Variants in MFSD2A observed in about 807,000 individuals in gnomAD.
MFSD2A encodes the protein MFSD2 lysolipid transporter A, lysophospholipid.
In MFSD2A, 27 loss-of-function variants were observed where a neutral mutation model predicts 64.7. The ratio of observed to expected loss-of-function variants is 0.42; its 90% confidence interval spans 0.31 to 0.58. The LOEUF (loss-of-function observed/expected upper bound fraction) is 0.58. MFSD2A is among the 20% of genes least tolerant of loss of function. The pLI is 0.18. For missense variants in MFSD2A, 474 were observed against 679.5 expected (o/e 0.70, Z 3.36); for synonymous variants, 258 against 273.4 (o/e 0.94, Z 0.55).
chr1:39,958,864 G>T lies in MFSD2A; in HGVS notation c.353+39G>T. 1 of 1,547,856 alleles carries T rather than the reference G, an allele frequency of 6.5e-7. No individual in the cohort carries two copies. The highest frequency in any genetic ancestry group is 8.7e-7 in the Non-Finnish European group (1 of 1,146,304). ...GCCCCTTCGAGGTGGCACAAGGCAG[G>T]ACTTCCAGCATATCTGCTCCTTGGT... On this transcript the variant is annotated intron_variant, in intron 3 of 13. Coordinates refer to ENST00000372811, the MANE Select transcript of MFSD2A (RefSeq NM_032793.5). The surrounding 1 kb of genome is among the most constrained non-coding windows in gnomAD (Gnocchi z 4.7).
intron 6 of MFSD2A, among the ~76,000 whole-genome samples, chr1:39,966,337 C>T (rs1645160407): frequency 6.6e-6 from 1 of 152,034 alleles, no homozygotes; most frequent in Non-Finnish European, 1.5e-5. Flanking sequence ...GCCAAGTTGC[C>T]CAGGCTGGTT....
In MFSD2A at chr1:39,968,090, C is replaced by T; in HGVS notation, c.1208+174C>T. 2 of 643,420 alleles carry T rather than the reference C, an allele frequency of 3.1e-6. No homozygotes were observed. Among genetic ancestry groups the T allele is most frequent in the South Asian group, 2.0e-5 (1 of 50,590 alleles). The allele number at this position is 643,420 out of a possible 1,614,324, so 39.9% of individuals were successfully genotyped here. A position where few individuals can be genotyped will look rare whatever the true frequency, so the allele number is the denominator to read the frequency against. On this transcript the variant is annotated intron_variant, in intron 11 of 13. Transcript: ENST00000372811. This position sits in a 1 kb window ranked among gnomAD's most constrained non-coding sequence, Gnocchi z 4.4. ...GTACAGGTAGTGAGCTTTGCAAGAA[C>T]ACCTAGTCAGAGTGAAAAATGGGGG...
chr1:39,968,674 G>A lies in MFSD2A; in HGVS notation c.1458G>A (p.Leu486=). The A allele has an allele frequency of 1.2e-6, 2 of 1,614,166 alleles. No individual in the cohort carries two copies. Among genetic ancestry groups the A allele is most frequent in the Non-Finnish European group, 1.7e-6 (2 of 1,180,026 alleles). The stretch of plus-strand genomic sequence containing the variant: ...CCATAGTTCTCATCCTGCTGGGCCT[G>A]CTGCTCTTCAAAATGTACCCCATTG... The part of the protein sequence containing the change: ...MAPIVLILLG[L]LLFKMYPIDE... The change falls in exon 13 of 14, where the codon CTG becomes CTA. Residue 486 remains leucine (L), a synonymous_variant. Transcript: ENST00000372811. This position sits in a 1 kb window ranked among gnomAD's most constrained non-coding sequence, Gnocchi z 4.4.
Position 39,958,849 on chromosome 1 carries a change from G to C in MFSD2A, c.353+24G>C. The C allele has an allele frequency of 6.4e-7, 1 of 1,566,532 alleles. No individual in the cohort carries two copies. The highest frequency in any genetic ancestry group is 8.7e-7 in the Non-Finnish European group (1 of 1,155,582). ...TGGTGAGTAGAATATGCCCCTTCGA[G>C]GTGGCACAAGGCAGGACTTCCAGCA... On this transcript the variant is annotated intron_variant, in intron 3 of 13. Transcript: ENST00000372811. The surrounding 1 kb of genome is among the most constrained non-coding windows in gnomAD (Gnocchi z 4.7).
rs894720620 is a variant in MFSD2A, at chr1:39,963,265, C to G, written c.354-1946C>G. The G allele has an allele frequency of 6.9e-7, 1 of 1,440,392 alleles. No homozygotes were observed. The highest frequency in any genetic ancestry group is 1.4e-5 in the African/African-American group (1 of 71,706). The allele number at this position is 1,440,392 out of a possible 1,614,324, so 89.2% of individuals were successfully genotyped here. ...ACCCTGGGCAGCTTTGCCAAGGGCACCTTTGATGCCATCTCTAAGACCTAC... is the reference window on the plus strand; with the variant it reads ...ACCCTGGGCAGCTTTGCCAAGGGCAGCTTTGATGCCATCTCTAAGACCTAC... On this transcript the variant is annotated intron_variant, in intron 3 of 13. Coordinates refer to ENST00000372811, the MANE Select transcript of MFSD2A (RefSeq NM_032793.5). This position sits in a 1 kb window ranked among gnomAD's most constrained non-coding sequence, Gnocchi z 4.2.
Position 39,958,913 on chromosome 1 carries a change from C to T in MFSD2A, c.353+88C>T, listed in dbSNP as rs1405611752. On this transcript the variant is annotated intron_variant, in intron 3 of 13. Coordinates refer to ENST00000372811, the MANE Select transcript of MFSD2A (RefSeq NM_032793.5). This position sits in a 1 kb window ranked among gnomAD's most constrained non-coding sequence, Gnocchi z 4.7. ...GTCCTTCTCTCTGTCTTGTCACAGG[C>T]AGAAGGGTGAGGAGAAGGAAGGAGT... 5 of 1,441,208 alleles carry T rather than the reference C, an allele frequency of 3.5e-6. No homozygotes were observed. The Admixed American group carries it at 9.0e-5, about 26-fold the overall frequency. The allele number at this position is 1,441,208 out of a possible 1,614,324, so 89.3% of individuals were successfully genotyped here. A position where few individuals can be genotyped will look rare whatever the true frequency, so the allele number is the denominator to read the frequency against.
rs1644981289 is a variant in MFSD2A at position 39,958,989 on chromosome 1, C to T, written c.353+164C>T. The stretch of plus-strand genomic sequence containing the variant: ...CATCCGAGGCATCAGCTACCCTGAG[C>T]ACGGGCACTGGCATGCTCAGCCAGT... On this transcript the variant is annotated intron_variant, in intron 3 of 13. Transcript: ENST00000372811. This position sits in a 1 kb window ranked among gnomAD's most constrained non-coding sequence, Gnocchi z 4.7. Among the ~76,000 whole-genome samples the T allele has an allele frequency of 6.6e-6, 1 of 152,168 alleles. No individual in the cohort carries two copies. Among genetic ancestry groups the T allele is most frequent in the Non-Finnish European group, 1.5e-5 (1 of 68,032 alleles).
rs915988124 is a variant in MFSD2A at position 39,968,834 on chromosome 1, C to T, written c.1529+89C>T. 29 of 1,383,262 alleles carry T rather than the reference C, an allele frequency of 2.1e-5. No individual in the cohort carries two copies. Among genetic ancestry groups the T allele is most frequent in the Non-Finnish European group, 2.9e-5 (29 of 1,001,136 alleles). The allele number at this position is 1,383,262 out of a possible 1,614,324, so 85.7% of individuals were successfully genotyped here. A position where few individuals can be genotyped will look rare whatever the true frequency, so the allele number is the denominator to read the frequency against. On this transcript the variant is annotated intron_variant, in intron 13 of 13. Coordinates refer to ENST00000372811, the MANE Select transcript of MFSD2A (RefSeq NM_032793.5). The surrounding 1 kb of genome is among the most constrained non-coding windows in gnomAD (Gnocchi z 4.4). ...TGTCTCCTGTGGCCAAGTCCAGACT[C>T]ACCCCCCACACATCTTCTCTGGACA...
chr1:39,965,896 C>T lies in MFSD2A; in HGVS notation c.596C>T (p.Ala199Val). Residue 199 changes from alanine (A) to valine (V), a missense_variant, in exon 6 of 14, where the codon GCG (alanine) becomes GTG (valine). Coordinates refer to ENST00000372811, the MANE Select transcript of MFSD2A (RefSeq NM_032793.5). This position sits in a 1 kb window ranked among gnomAD's most constrained non-coding sequence, Gnocchi z 5.5. ...GTGCTGGGCACAGTGCTGGGCACGG[C>T]GATCCAGGGACAAATCGTGGGCCAA... ...VEVLGTVLGT[A>V]IQGQIVGQAD... 8 of 1,614,100 alleles carry T rather than the reference C, an allele frequency of 5.0e-6. No individual in the cohort carries two copies. The highest frequency in any genetic ancestry group is 1.3e-5 in the African/African-American group (1 of 75,028).
chr1:39,962,671 G>A (rs1236445954), intron 3 of MFSD2A: 31 of 781,624 alleles, frequency 4.0e-5, no homozygotes, highest in East Asian at 1.1e-4. Context: ...GGCCGTGGAC[G>A]GGGCCCGGGC....
rs759781752 is a variant in MFSD2A at position 39,957,236 on chromosome 1, C to A, written c.228+15C>A. On this transcript the variant is annotated intron_variant, in intron 2 of 13. Transcript: ENST00000372811. ...ATGTGGCTCAGGTGAGTGGTCTAAGCCTTCGAGGGCTCCTTCAGCATCCTG... is the reference window on the plus strand; with the variant it reads ...ATGTGGCTCAGGTGAGTGGTCTAAGACTTCGAGGGCTCCTTCAGCATCCTG... 6.5e-7 allele frequency: 1 copy of A among 1,536,122 alleles called. No homozygotes were observed. The highest frequency in any genetic ancestry group is 1.2e-5 in the South Asian group (1 of 80,480).
intron 1 of MFSD2A, among the ~76,000 whole-genome samples, chr1:39,956,156 A>G (rs1644923354): frequency 6.6e-6 from 1 of 152,194 alleles, no homozygotes; most frequent in African/African-American, 2.4e-5. Flanking sequence ...CCACCCGGAG[A>G]GGGATCAGGC....
rs1185867248 is a variant in MFSD2A, at chr1:39,955,758, C to T, written c.93+373C>T. The T allele has an allele frequency of 2.1e-6, 1 of 467,420 alleles. No individual in the cohort carries two copies. The highest frequency in any genetic ancestry group is 4.1e-6 in the Non-Finnish European group (1 of 241,026). The allele number at this position is 467,420 out of a possible 1,614,324, so 29.0% of individuals were successfully genotyped here. A position where few individuals can be genotyped will look rare whatever the true frequency, so the allele number is the denominator to read the frequency against. On this transcript the variant is annotated intron_variant, in intron 1 of 13. Transcript: ENST00000372811. This position sits in a 1 kb window ranked among gnomAD's most constrained non-coding sequence, Gnocchi z 5.9. Reference sequence around the variant, plus strand: ...TCCCCTTGGTTCCCCATCTCTCATCCCCTACCTCCCACTCCACCCACCTAC... The same window carrying T: ...TCCCCTTGGTTCCCCATCTCTCATCTCCTACCTCCCACTCCACCCACCTAC...
rs1218794074 is a variant in MFSD2A, at chr1:39,969,779, G to A, written c.*211G>A. 1 of 574,400 alleles carries A rather than the reference G, an allele frequency of 1.7e-6. No individual in the cohort carries two copies. Among genetic ancestry groups the A allele is most frequent in the Non-Finnish European group, 3.1e-6 (1 of 325,042 alleles). The allele number at this position is 574,400 out of a possible 1,614,324, so 35.6% of individuals were successfully genotyped here. On this transcript the variant is annotated 3_prime_UTR_variant, in exon 14 of 14. Coordinates refer to ENST00000372811, the MANE Select transcript of MFSD2A (RefSeq NM_032793.5). ...TGCCTGCCTGTGGGGCCAAGCCCTGGGGCTGCCACTGTGAATATGCCAAGG... is the reference window on the plus strand; with the variant it reads ...TGCCTGCCTGTGGGGCCAAGCCCTGAGGCTGCCACTGTGAATATGCCAAGG...
chr1:39,968,120 A>G lies in MFSD2A; in HGVS notation c.1208+204A>G. 1.5e-6 allele frequency: 1 copy of G among 660,080 alleles called. No homozygotes were observed. The highest frequency in any genetic ancestry group is 2.6e-6 in the Non-Finnish European group (1 of 390,566). 40.9% of individuals were successfully genotyped at this position (660,080 alleles called of 1,614,324 possible). On this transcript the variant is annotated intron_variant, in intron 11 of 13. Coordinates refer to ENST00000372811, the MANE Select transcript of MFSD2A (RefSeq NM_032793.5). This position sits in a 1 kb window ranked among gnomAD's most constrained non-coding sequence, Gnocchi z 4.4. ...AGTCAGAGTGAAAAATGGGGGCTGTAATCTGGCCTGGGCTCCACTTGCCAC... is the reference window on the plus strand; with the variant it reads ...AGTCAGAGTGAAAAATGGGGGCTGTGATCTGGCCTGGGCTCCACTTGCCAC...
At chr1:39,967,333 G>A (rs1557639467) in intron 9 of MFSD2A, 164 bp downstream of exon 9, 1 of 656,944 alleles carries the variant, frequency 1.5e-6, no homozygotes, top group Non-Finnish European at 2.6e-6. Flanking sequence ...AGGTAGGACT[G>A]TGAAAGAAAG....
chr1:39,966,383 TCAAC>T (rs1048180179), intron 6 of MFSD2A, among the ~76,000 whole-genome samples: 2 of 152,136 alleles, frequency 1.3e-5, no homozygotes, highest in African/African-American at 4.8e-5. Flanking sequence ...AGGGCTGCAC[TCAAC>T]CAGCCTGGTT....
chr1:39,962,915 G>A (rs3131699), intron 3 of MFSD2A: 3 of 1,558,882 alleles, frequency 1.9e-6, no homozygotes, highest in Non-Finnish European at 2.6e-6. Context: ...AGCGCACCAG[G>A]TTCAAGGCGT....
In MFSD2A at chr1:39,966,700, G is replaced by A. The variant is rs755738727; in HGVS notation, c.805+9G>A. 3.1e-6 allele frequency: 5 copies of A among 1,613,734 alleles called. No homozygotes were observed. Among genetic ancestry groups the A allele is most frequent in the Non-Finnish European group, 4.2e-6 (5 of 1,179,808 alleles). On this transcript the variant is annotated intron_variant, in intron 7 of 13. Coordinates refer to ENST00000372811, the MANE Select transcript of MFSD2A (RefSeq NM_032793.5). ...CGTGCGGGAGCAGAGAGGTAAGGGGGTGCCTGGGAAGGGGTGCAGGCCTCA... is the reference window on the plus strand; with the variant it reads ...CGTGCGGGAGCAGAGAGGTAAGGGGATGCCTGGGAAGGGGTGCAGGCCTCA...
Sources: gnomAD v4.1 joint callset for allele counts (sites outside exome capture counted in the v4.1 genomes callset) on GRCh38, gnomAD v4.1.1 for gene constraint, Gnocchi (gnomAD v3.1) non-coding constraint, MANE v1.5 for transcripts, NCBI Gene and HGNC (gene_info 2026-07-23, HGNC 2026-07-21) for gene names.